The following ERG variants were observed in gnomAD, a reference collection of about 807,000 sequenced individuals.
ERG encodes the protein ETS transcription factor ERG.
A neutral mutation model predicts 55.3 loss-of-function variants in ERG; 9 were observed. The ratio of observed to expected loss-of-function variants is 0.16; its 90% CI spans 0.10 to 0.28. The LOEUF (loss-of-function observed/expected upper bound fraction) is 0.28, where lower values mean the gene tolerates loss of function less well. ERG is among the 10% of genes least tolerant of loss of function. The pLI is 1.00. For missense variants in ERG, 434 were observed against 631.6 expected (o/e 0.69, Z 3.35); for synonymous variants, 223 against 237.3 (o/e 0.94, Z 0.55).
chr21:38,612,140 C>G (rs745417249), intron 1 of ERG, among the ~76,000 whole-genome samples: 18 of 152,118 alleles, frequency 1.2e-4, no homozygotes, highest in East Asian at 3.9e-4. Flanking sequence ...TCCTGAAGAT[C>G]CAGCGACGTC....
At chr21:38,631,670 C>T (rs868849976) in intron 1 of ERG, among the ~76,000 whole-genome samples, 4 of 152,042 alleles carry the variant, frequency 2.6e-5, no homozygotes, top group Admixed American at 6.6e-5. Flanking sequence ...ACCTGATTTC[C>T]GTACCGTTTT....
chr21:38,655,814 T>C lies in ERG; in HGVS notation c.-150+5844A>G, dbSNP rs1601360985. ...AGTTCCCAGATTAGTTAATACAAACTTGGGCCCCACTTTTCAACAGAAGCA... is the reference window on the plus strand; with the variant it reads ...AGTTCCCAGATTAGTTAATACAAACCTGGGCCCCACTTTTCAACAGAAGCA... On this transcript the variant is annotated intron_variant, in intron 1 of 10. Coordinates refer to the ERG transcript ENST00000398910. Among the ~76,000 whole-genome samples, 12 of 152,282 alleles carry C rather than the reference T, an allele frequency of 7.9e-5. No individual in the cohort carries two copies. The South Asian group carries it at 2.5e-3, about 32-fold the overall frequency.
At chr21:38,566,579 T>G (rs1000323353) in intron 2 of ERG, among the ~76,000 whole-genome samples, 1 of 152,104 alleles carries the variant, frequency 6.6e-6, no homozygotes, top group Non-Finnish European at 1.5e-5. Context: ...TGACACCAAA[T>G]AGTGGAGCCG....
At chr21:38,577,995 G>A (rs1159460083) in intron 1 of ERG, among the ~76,000 whole-genome samples, 1 of 152,224 alleles carries the variant, frequency 6.6e-6, no homozygotes, top group Non-Finnish European at 1.5e-5. Context: ...GGAAGTGGGA[G>A]CTTCCCCTTC....
chr21:38,647,396 C>A lies in ERG; in HGVS notation c.-150+14262G>T, dbSNP rs967797034. ...ATCCTCAAGGAGGCTAAAATTAGTT[C>A]TTGAAGGATGAAAAACGTCTTATTC... On this transcript the variant is annotated intron_variant, in intron 1 of 10. Transcript: ENST00000398910. Among the ~76,000 whole-genome samples the A allele has an allele frequency of 5.3e-5, 8 of 152,102 alleles. No homozygotes were observed. In the South Asian group the frequency reaches 1.7e-3, roughly 32 times the overall value.
chr21:38,549,110 C>T (rs545191642), intron 2 of ERG, among the ~76,000 whole-genome samples: 1 of 151,996 alleles, frequency 6.6e-6, no homozygotes, highest in South Asian at 2.1e-4. Context: ...AAGACTCTGT[C>T]TCAAAAAACA....
chr21:38,441,114 G>A (rs1405237950), intron 2 of ERG, among the ~76,000 whole-genome samples: 3 of 152,124 alleles, frequency 2.0e-5, no homozygotes, highest in Non-Finnish European at 4.4e-5. Flanking sequence ...CAGCAGCAGC[G>A]GTGAACTGGC....
chr21:38,473,414 A>G (rs1245150617), intron 1 of ERG, among the ~76,000 whole-genome samples: 2 of 145,498 alleles, frequency 1.4e-5, no homozygotes, highest in African/African-American at 5.5e-5. Flanking sequence ...CTTGCATTCA[A>G]TTATATATAT....
chr21:38,485,241 G>C (rs1381509330), intron 1 of ERG, among the ~76,000 whole-genome samples: 1 of 116,444 alleles, frequency 8.6e-6, no homozygotes, highest in African/African-American at 4.3e-5. Flanking sequence ...TTAATAAAAA[G>C]TTTAGAAAGT....
chr21:38,658,855 G>C (rs920564529), intron 1 of ERG, among the ~76,000 whole-genome samples: 1 of 152,192 alleles, frequency 6.6e-6, no homozygotes. Context: ...GTGGAGGGGG[G>C]AATGTTTATA....
chr21:38,622,503 C>T lies in ERG; in HGVS notation c.-149-37558G>A, dbSNP rs558399834. On this transcript the variant is annotated intron_variant, in intron 1 of 10. Coordinates refer to the ERG transcript ENST00000398910. ...CACACACACATGCTCATACATACCACACACACCACACACACACCACACATC... is the reference window on the plus strand; with the variant it reads ...CACACACACATGCTCATACATACCATACACACCACACACACACCACACATC... 1.5e-3 allele frequency among the ~76,000 whole-genome samples: 223 copies of T among 151,108 alleles called. 2 individuals carry two copies. The Middle Eastern group carries it at 0.017, about 12-fold the overall frequency.
intron 1 of ERG, among the ~76,000 whole-genome samples, chr21:38,640,141 A>C (rs144653503): frequency 2.2e-4 from 33 of 152,368 alleles, no homozygotes; most frequent in African/African-American, 7.2e-4. Flanking sequence ...AAAATCAATG[A>C]AAAATCAATT....
intron 2 of ERG, among the ~76,000 whole-genome samples, chr21:38,552,147 G>C (rs4817949): frequency 0.86 from 131,360 of 152,126 alleles, 56,889 homozygotes; most frequent in South Asian, 0.92. Context: ...AAATTGAAAC[G>C]CTGAACAGAC....
At chr21:38,422,579 G>A (rs67677585) in intron 3 of ERG, among the ~76,000 whole-genome samples, 48,179 of 152,180 alleles carry the variant, frequency 0.32, 8,177 homozygotes, top group African/African-American at 0.45. Context: ...ACTGGTGACT[G>A]TTGCTGTTGT....
chr21:38,567,189 T>G lies in ERG; in HGVS notation c.-41+8473A>C, dbSNP rs533156436. Among the ~76,000 whole-genome samples, 36 of 152,288 alleles carry G rather than the reference T, an allele frequency of 2.4e-4. No individual in the cohort carries two copies. In the South Asian group the frequency reaches 7.5e-3, roughly 32 times the overall value. On this transcript the variant is annotated intron_variant, in intron 2 of 8. Coordinates refer to the ERG transcript ENST00000398897. ...AGGAACTGAGCACCGCATTGGAATC[T>G]GGCCCTGGAGGGTGCCCAGCATGGC...
intron 6 of ERG, among the ~76,000 whole-genome samples, chr21:38,394,995 A>T (rs1375038633): frequency 6.6e-6 from 1 of 152,244 alleles, no homozygotes; most frequent in Non-Finnish European, 1.5e-5. Flanking sequence ...TATTCACAAA[A>T]TCCTTCATAT....
intron 3 of ERG, 143 bp from the exon 4 acceptor site, chr21:38,403,852 A>C: frequency 1.4e-6 from 1 of 707,762 alleles, no homozygotes; most frequent in Non-Finnish European, 2.4e-6. Context: ...ACCCAGGAGA[A>C]CATTTTGGGG....
chr21:38,519,557 C>T (rs1332718861), intron 2 of ERG, among the ~76,000 whole-genome samples: 1 of 152,196 alleles, frequency 6.6e-6, no homozygotes, highest in Non-Finnish European at 1.5e-5. Context: ...CTCTCATTTG[C>T]TTAACCCAAC....
At chr21:38,658,987 T>C (rs1377187391) in intron 1 of ERG, among the ~76,000 whole-genome samples, 2 of 152,222 alleles carry the variant, frequency 1.3e-5, no homozygotes, top group Non-Finnish European at 2.9e-5. Context: ...CGTGAAATCA[T>C]GTACTACAAT....
Sources: gnomAD v4.1 joint callset for allele counts (sites outside exome capture counted in the v4.1 genomes callset) on GRCh38, gnomAD v4.1.1 for gene constraint, MANE v1.5 for transcripts, NCBI Gene and HGNC (gene_info 2026-07-23, HGNC 2026-07-21) for gene names.